Variants in RBM33 observed in about 807,000 individuals in gnomAD.
The protein encoded by RBM33 is RNA-binding protein 33.
RBM33 carries 28 observed loss-of-function variants against 132.6 expected under a neutral mutation model. The ratio of observed to expected loss-of-function variants is 0.21; its 90% CI spans 0.16 to 0.29. The LOEUF is 0.29. Ranked by LOEUF, RBM33 falls within the 10% of genes least tolerant of loss-of-function variation. RBM33 has a pLI of 1.00. For synonymous variants in RBM33, 634 were observed against 593.0 expected, an observed-to-expected ratio of 1.07 and a Z score of -1.01; for missense variants, 1,291 against 1,518.5, an observed-to-expected ratio of 0.85 and a Z score of 2.49.
chr7:155,673,519 TATATATACACAC>T, intron 3 of RBM33, among the ~76,000 whole-genome samples: 1 of 141,076 alleles, frequency 7.1e-6, no homozygotes, highest in South Asian at 2.2e-4. Context: ...CACACGTGTA[TATATATACACAC>T]ATATATACAT....
Position 155,741,997 on chromosome 7 carries a change from C to G in RBM33, c.2228C>G (p.Pro743Arg), listed in dbSNP as rs1424446775. ...QVKPIVSASP[P>R]SRAVAGSRSS... ...AAACCTATCGTCAGCGCGTCACCACCCTCGCGGGCCGTGGCGGGTTCCAGA... is the reference window on the plus strand; with the variant it reads ...AAACCTATCGTCAGCGCGTCACCACGCTCGCGGGCCGTGGCGGGTTCCAGA... The change falls in exon 13 of 18, where the codon CCC (proline) becomes CGC (arginine). Residue 743 changes from proline (P) to arginine (R), a missense_variant. This residue lies in a region of RBM33 where 841 missense variants were observed against 912.0 expected (regional missense o/e 0.92). Coordinates refer to ENST00000401878, the MANE Select transcript of RBM33 (RefSeq NM_053043.3). The G allele has an allele frequency of 3.7e-6, 6 of 1,613,924 alleles. No homozygotes were observed. Among genetic ancestry groups the G allele is most frequent in the Non-Finnish European group, 4.2e-6 (5 of 1,179,920 alleles).
intron 7 of RBM33, among the ~76,000 whole-genome samples, chr7:155,708,400 G>C (rs561299573): frequency 5.4e-4 from 82 of 152,258 alleles, no homozygotes; most frequent in African/African-American, 1.9e-3. Context: ...TAGCCATTTT[G>C]ATTATTTTGG....
intron 1 of RBM33, among the ~76,000 whole-genome samples, chr7:155,649,856 C>G (rs963234761): frequency 2.0e-5 from 3 of 152,204 alleles, no homozygotes; most frequent in Non-Finnish European, 4.4e-5. Flanking sequence ...ATTGCTCATC[C>G]AGGCCACCTA....
chr7:155,722,232 T>G (rs547896070), intron 9 of RBM33, among the ~76,000 whole-genome samples: 1 of 152,342 alleles, frequency 6.6e-6, no homozygotes, highest in Admixed American at 6.5e-5. Flanking sequence ...ATGTCCTGTG[T>G]GACTGATGAC....
intron 3 of RBM33, among the ~76,000 whole-genome samples, chr7:155,673,940 G>GTTGTTGTTT: frequency 1.7e-4 from 9 of 54,192 alleles, no homozygotes; most frequent in South Asian, 7.2e-4. Context: ...TTTAGGCTTA[G>GTTGTTGTTT]TTTTTTTTTT....
At chr7:155,668,296 A>G (rs545044180) in intron 2 of RBM33, among the ~76,000 whole-genome samples, 4 of 152,112 alleles carry the variant, frequency 2.6e-5, no homozygotes, top group Admixed American at 6.5e-5. Context: ...ATGTCTTTCA[A>G]GTGTTGTTTC....
chr7:155,735,699 C>CTCTCTCTCTCTCTCTG (rs1801098167), intron 9 of RBM33, among the ~76,000 whole-genome samples: 1 of 145,946 alleles, frequency 6.9e-6, no homozygotes. Context: ...CTGTCTCTCT[C>CTCTCTCTCTCTCTCTG]TCTCTCTCTC....
chr7:155,713,743 T>C (rs2116981841), intron 8 of RBM33, among the ~76,000 whole-genome samples: 1 of 152,350 alleles, frequency 6.6e-6, no homozygotes, highest in South Asian at 2.1e-4. Flanking sequence ...GGGAGCCAAG[T>C]GGGCTTGAGA....
At position 155,745,729 on chromosome 7, in the gene RBM33, T is replaced by C; in HGVS notation, c.2979+127T>C. Reference sequence around the variant, plus strand: ...CTGTTATAGTCTTGTAACCAATCTCTACCTACTTGAAGTTGGTATAAGAAT... The same window carrying C: ...CTGTTATAGTCTTGTAACCAATCTCCACCTACTTGAAGTTGGTATAAGAAT... On this transcript the variant is annotated intron_variant, in intron 14 of 17. Coordinates refer to ENST00000401878, the MANE Select transcript of RBM33 (RefSeq NM_053043.3). This position sits in a 1 kb window ranked among gnomAD's most constrained non-coding sequence, Gnocchi z 4.1. 1.1e-6 allele frequency: 1 copy of C among 915,838 alleles called. No individual in the cohort carries two copies. The highest frequency in any genetic ancestry group is 1.8e-5 in the South Asian group (1 of 54,524). 56.7% of individuals were successfully genotyped at this position (915,838 alleles called of 1,614,324 possible). A position where few individuals can be genotyped will look rare whatever the true frequency, so the allele number is the denominator to read the frequency against.
chr7:155,766,875 T>G, intron 16 of RBM33: 1 of 574,578 alleles, frequency 1.7e-6, no homozygotes, highest in Non-Finnish European at 3.0e-6. Flanking sequence ...TTTTAAGAAA[T>G]AAATACCCCA....
rs1247097758 is a variant in RBM33 at position 155,779,035 on chromosome 7, G to T, written c.*3994G>T. The T allele has an allele frequency of 2.6e-5, 4 of 152,300 alleles. No individual in the cohort carries two copies. Among genetic ancestry groups the T allele is most frequent in the African/African-American group, 9.7e-5 (4 of 41,402 alleles). The allele number at this position is 152,300 out of a possible 1,614,324, so 9.4% of individuals were successfully genotyped here. A position where few individuals can be genotyped will look rare whatever the true frequency, so the allele number is the denominator to read the frequency against. On this transcript the variant is annotated 3_prime_UTR_variant, in exon 18 of 18. Coordinates refer to ENST00000401878, the MANE Select transcript of RBM33 (RefSeq NM_053043.3). Reference sequence around the variant, plus strand: ...ACATTCCTGGTGCGGTGTCTGCAGTGCCCTTTGTGGGTGACTTCAGGCTTC... The same window carrying T: ...ACATTCCTGGTGCGGTGTCTGCAGTTCCCTTTGTGGGTGACTTCAGGCTTC...
chr7:155,781,393 C>T lies in RBM33; in HGVS notation c.*6352C>T, dbSNP rs932036701. On this transcript the variant is annotated 3_prime_UTR_variant, in exon 18 of 18. Coordinates refer to ENST00000401878, the MANE Select transcript of RBM33 (RefSeq NM_053043.3). ...AAGGAAAATGTACTGTTGTGTGTTT[C>T]ATTTGTGTGATTTCGTACCAAAAAA... The T allele has an allele frequency of 6.6e-6, 1 of 152,208 alleles. No individual in the cohort carries two copies. The highest frequency in any genetic ancestry group is 1.5e-5 in the Non-Finnish European group (1 of 68,030). 9.4% of individuals were successfully genotyped at this position (152,208 alleles called of 1,614,324 possible).
chr7:155,684,074 C>G (rs1297264166), intron 5 of RBM33, among the ~76,000 whole-genome samples: 1 of 152,096 alleles, frequency 6.6e-6, no homozygotes, highest in Non-Finnish European at 1.5e-5. Flanking sequence ...GTGTTGTGTT[C>G]AGATTGTCTT....
chr7:155,758,300 G>C (rs1212311648), intron 14 of RBM33, among the ~76,000 whole-genome samples: 1 of 152,178 alleles, frequency 6.6e-6, no homozygotes, highest in African/African-American at 2.4e-5. Flanking sequence ...CTATATAACA[G>C]GGTCCCCAAC....
rs1391632429 is a variant in RBM33, at chr7:155,738,108, G to A, written c.1442G>A (p.Ser481Asn). ...FPSHLFLEQR[S>N]PPPPPPPPTL... is the part of the protein sequence containing the mutation. ...AGCCATCTTTTTCTGGAACAGCGAA[G>A]TCCCCCTCCACCACCACCGCCTCCT... The change falls in exon 11 of 18, where the codon AGT becomes AAT. Residue 481 changes from serine (S) to asparagine (N), a missense_variant. Ser to Asn is a conservative substitution (Grantham distance 46). Transcript: ENST00000401878. 6.2e-7 allele frequency: 1 copy of A among 1,613,776 alleles called. No homozygotes were observed. The highest frequency in any genetic ancestry group is 8.5e-7 in the Non-Finnish European group (1 of 1,179,796).
Position 155,775,319 on chromosome 7 carries a change from A to C in RBM33, c.*278A>C, listed in dbSNP as rs574929973. ...TTTGTTTTGTTTTCAAAGTGCTTACAATGCATGTAGACATTGTTCTTTGTG... is the reference window on the plus strand; with the variant it reads ...TTTGTTTTGTTTTCAAAGTGCTTACCATGCATGTAGACATTGTTCTTTGTG... On this transcript the variant is annotated 3_prime_UTR_variant, in exon 18 of 18. Transcript: ENST00000401878. The C allele has an allele frequency of 4.4e-4, 254 of 578,944 alleles. 1 individual carries two copies. The highest frequency in any genetic ancestry group is 4.0e-3 in the African/African-American group (213 of 53,656). 35.9% of individuals were successfully genotyped at this position (578,944 alleles called of 1,614,324 possible). A position where few individuals can be genotyped will look rare whatever the true frequency, so the allele number is the denominator to read the frequency against.
At chr7:155,681,188 C>T (rs754109416) in intron 5 of RBM33, among the ~76,000 whole-genome samples, 1 of 152,226 alleles carries the variant, frequency 6.6e-6, no homozygotes, top group Non-Finnish European at 1.5e-5. Context: ...TGGGGATACA[C>T]TGTCAATTGT....
At chr7:155,706,547 A>G (rs1446509624) in intron 6 of RBM33, among the ~76,000 whole-genome samples, 1 of 152,172 alleles carries the variant, frequency 6.6e-6, no homozygotes, top group East Asian at 1.9e-4. Flanking sequence ...GGCAGTGGCT[A>G]CGTTTCACTT....
At chr7:155,696,782 A>G (rs1799805386) in intron 5 of RBM33, among the ~76,000 whole-genome samples, 1 of 152,204 alleles carries the variant, frequency 6.6e-6, no homozygotes, top group Non-Finnish European at 1.5e-5. Context: ...GACCCAAGCC[A>G]CATAACCCAT....
Sources: gnomAD v4.1 joint callset for allele counts (sites outside exome capture counted in the v4.1 genomes callset) on GRCh38, gnomAD v4.1.1 for gene constraint, gnomAD v4.1.1 regional missense constraint, Gnocchi (gnomAD v3.1) non-coding constraint, MANE v1.5 for transcripts, NCBI Gene and HGNC (gene_info 2026-07-23, HGNC 2026-07-21) for gene names.